The following GOLGA2 variants were observed in gnomAD, a reference collection of about 807,000 sequenced individuals.
GOLGA2 encodes golgin A2.
Under a neutral mutation model 148.8 loss-of-function variants are expected in GOLGA2, and 49 were observed. The ratio of observed to expected loss-of-function variants is 0.33; its 90% CI spans 0.26 to 0.42. GOLGA2 has a LOEUF of 0.42. Among genes scored for constraint, GOLGA2 ranks in the 10% least tolerant of loss-of-function variants. The pLI, the probability that GOLGA2 is intolerant of heterozygous loss-of-function variation, is 1.00. For synonymous variants in GOLGA2, 501 were observed against 511.8 expected, an observed-to-expected ratio of 0.98 and a Z score of 0.28; for missense variants, 1,178 against 1,304.6, an observed-to-expected ratio of 0.90 and a Z score of 1.49.
intron 4 of GOLGA2, 65 bp downstream of exon 4, chr9:128,268,355 G>T: frequency 1.8e-6 from 2 of 1,085,802 alleles, no homozygotes; most frequent in South Asian, 1.3e-5. Flanking sequence ...AGCTGCCTGT[G>T]AAAGGAGAAG....
chr9:128,264,089 C>T (rs1446896730), intron 12 of GOLGA2, among the ~76,000 whole-genome samples: 7 of 150,160 alleles, frequency 4.7e-5, no homozygotes, highest in Admixed American at 6.6e-5. Flanking sequence ...GGCATGAACC[C>T]GGGAGACAGA....
rs1830240617 is a variant in GOLGA2, at chr9:128,261,034, C to T, written c.1420+138G>A. On this transcript the variant is annotated intron_variant, in intron 17 of 26. Coordinates refer to ENST00000611957, the MANE Select transcript of GOLGA2 (RefSeq NM_001366244.2). This position sits in a 1 kb window ranked among gnomAD's most constrained non-coding sequence, Gnocchi z 5.7. ...ACTGAGGCTCATGGAGATGACGAGA[C>T]TTGCCATCTCCTGGCACAGACCTCT... The T allele has an allele frequency of 4.1e-6, 3 of 738,826 alleles. No homozygotes were observed. Among genetic ancestry groups the T allele is most frequent in the Non-Finnish European group, 7.2e-6 (3 of 414,308 alleles). 45.8% of individuals were successfully genotyped at this position (738,826 alleles called of 1,614,324 possible).
Position 128,261,482 on chromosome 9 carries a change from C to T in GOLGA2, c.1304G>A (p.Arg435Gln), listed in dbSNP as rs759598971. Residue 435 changes from arginine to glutamine, a missense_variant, in exon 16 of 27, where the codon CGG (arginine) becomes CAG (glutamine). Arg to Gln is a conservative substitution (Grantham distance 43). This residue lies in a region of GOLGA2 where 304 missense variants were observed against 404.1 expected (regional missense o/e 0.75). Transcript: ENST00000611957. This position sits in a 1 kb window ranked among gnomAD's most constrained non-coding sequence, Gnocchi z 5.7. Reference protein sequence around the residue: ...ENLKGESAMWRQRMQQMSEQV... With the variant: ...ENLKGESAMWQQRMQQMSEQV... ...CTCTGACATCTGCTGCATCCTCTGCCGCCACATGGCGCTCTCTCCTTTGAG... is the reference window on the plus strand; with the variant it reads ...CTCTGACATCTGCTGCATCCTCTGCTGCCACATGGCGCTCTCTCCTTTGAG... 3.0e-5 allele frequency: 49 copies of T among 1,608,044 alleles called. No individual in the cohort carries two copies. The highest frequency in any genetic ancestry group is 1.7e-4 in the Admixed American group (10 of 60,016).
chr9:128,272,877 G>A lies in GOLGA2; in HGVS notation c.208-12C>T, dbSNP rs1265169450. 8.2e-6 allele frequency: 10 copies of A among 1,219,216 alleles called. No homozygotes were observed. The highest frequency in any genetic ancestry group is 5.7e-5 in the East Asian group (1 of 17,582). 75.5% of individuals were successfully genotyped at this position (1,219,216 alleles called of 1,614,324 possible). ...AGAATGTCCTGAATCTACAGGAGGCGAAAAGGGAAAAACAAGGGCAGGGGG... is the reference window on the plus strand; with the variant it reads ...AGAATGTCCTGAATCTACAGGAGGCAAAAAGGGAAAAACAAGGGCAGGGGG... On this transcript the variant is annotated splice_polypyrimidine_tract_variant and intron_variant, in intron 2 of 26. Coordinates refer to ENST00000611957, the MANE Select transcript of GOLGA2 (RefSeq NM_001366244.2).
Position 128,258,251 on chromosome 9 carries a change from C to T in GOLGA2, c.2290-53G>A. 1 of 1,404,788 alleles carries T rather than the reference C, an allele frequency of 7.1e-7. No individual in the cohort carries two copies. The highest frequency in any genetic ancestry group is 9.8e-7 in the Non-Finnish European group (1 of 1,022,606). 87.0% of individuals were successfully genotyped at this position (1,404,788 alleles called of 1,614,324 possible). On this transcript the variant is annotated intron_variant, in intron 22 of 26. Coordinates refer to ENST00000611957, the MANE Select transcript of GOLGA2 (RefSeq NM_001366244.2). The surrounding 1 kb of genome is among the most constrained non-coding windows in gnomAD (Gnocchi z 6.6). ...AGGAGGATATATAGGATGAACAGGG[C>T]AGGGAGGTAGAGAGCAGCCCTTCCC...
At chr9:128,273,059 AAT>A (rs1338706134) in intron 2 of GOLGA2, among the ~76,000 whole-genome samples, 194 bp from the exon 3 acceptor site, 1 of 152,206 alleles carries the variant, frequency 6.6e-6, no homozygotes, top group African/African-American at 2.4e-5. Flanking sequence ...GGCAGAAACA[AAT>A]AGATGGAAAA....
At position 128,260,343 on chromosome 9, in the gene GOLGA2, C is replaced by A; in HGVS notation, c.1758+122G>T. The A allele has an allele frequency of 9.3e-7, 1 of 1,079,564 alleles. No individual in the cohort carries two copies. The highest frequency in any genetic ancestry group is 1.3e-5 in the South Asian group (1 of 77,594). The allele number at this position is 1,079,564 out of a possible 1,614,324, so 66.9% of individuals were successfully genotyped here. ...CACAGCCATCGGAGCAGGGCTCTGG[C>A]TCACAGATGCCTCCAGAAGTACCAT... On this transcript the variant is annotated intron_variant, in intron 18 of 26. Transcript: ENST00000611957. This position sits in a 1 kb window ranked among gnomAD's most constrained non-coding sequence, Gnocchi z 4.8.
At position 128,256,969 on chromosome 9, in the gene GOLGA2, G is replaced by T; in HGVS notation, c.*98C>A. The stretch of plus-strand genomic sequence containing the variant: ...TAGACAGGGGTCTATGCTTGCTACT[G>T]TAAGGGTAAAGGGTTGACTGAGAAG... On this transcript the variant is annotated 3_prime_UTR_variant, in exon 27 of 27. Coordinates refer to ENST00000611957, the MANE Select transcript of GOLGA2 (RefSeq NM_001366244.2). The T allele has an allele frequency of 2.2e-6, 2 of 903,972 alleles. No homozygotes were observed. Among genetic ancestry groups the T allele is most frequent in the Non-Finnish European group, 3.5e-6 (2 of 567,618 alleles). 56.0% of individuals were successfully genotyped at this position (903,972 alleles called of 1,614,324 possible). A position where few individuals can be genotyped will look rare whatever the true frequency, so the allele number is the denominator to read the frequency against.
At position 128,261,422 on chromosome 9, in the gene GOLGA2, G is replaced by T; in HGVS notation, c.1332+32C>A. 1.5e-6 allele frequency: 2 copies of T among 1,329,062 alleles called. No homozygotes were observed. Among genetic ancestry groups the T allele is most frequent in the Non-Finnish European group, 2.2e-6 (2 of 919,650 alleles). 82.3% of individuals were successfully genotyped at this position (1,329,062 alleles called of 1,614,324 possible). ...CAGAAAGATCAAGTGACCTATCTAAGGTTGAGGGGGAGCTGAAGGGTCAGG... is the reference window on the plus strand; with the variant it reads ...CAGAAAGATCAAGTGACCTATCTAATGTTGAGGGGGAGCTGAAGGGTCAGG... On this transcript the variant is annotated intron_variant, in intron 16 of 26. Coordinates refer to ENST00000611957, the MANE Select transcript of GOLGA2 (RefSeq NM_001366244.2). This position sits in a 1 kb window ranked among gnomAD's most constrained non-coding sequence, Gnocchi z 5.7.
At position 128,257,304 on chromosome 9, in the gene GOLGA2, C is replaced by T. The variant is rs771893646; in HGVS notation, c.2876-23G>A. 1.2e-6 allele frequency: 2 copies of T among 1,612,362 alleles called. No individual in the cohort carries two copies. Among genetic ancestry groups the T allele is most frequent in the African/African-American group, 1.3e-5 (1 of 75,024 alleles). ...GATCTTTGGAGAGAGAGAGGCAGGG[C>T]TCTGAGTGCCACGCGAGCCCTCCCT... On this transcript the variant is annotated intron_variant, in intron 26 of 26. Coordinates refer to ENST00000611957, the MANE Select transcript of GOLGA2 (RefSeq NM_001366244.2). The surrounding 1 kb of genome is among the most constrained non-coding windows in gnomAD (Gnocchi z 8.0).
At position 128,272,882 on chromosome 9, in the gene GOLGA2, G is replaced by A; in HGVS notation, c.208-17C>T. ...GTCCTGAATCTACAGGAGGCGAAAA[G>A]GGAAAAACAAGGGCAGGGGGAGAAA... is the stretch of plus-strand genomic sequence containing the variant. On this transcript the variant is annotated splice_polypyrimidine_tract_variant and intron_variant, in intron 2 of 26. Coordinates refer to ENST00000611957, the MANE Select transcript of GOLGA2 (RefSeq NM_001366244.2). The A allele has an allele frequency of 2.5e-6, 3 of 1,199,922 alleles. No individual in the cohort carries two copies. The highest frequency in any genetic ancestry group is 1.3e-5 in the South Asian group (1 of 78,666). The allele number at this position is 1,199,922 out of a possible 1,614,324, so 74.3% of individuals were successfully genotyped here.
chr9:128,274,592 C>T (rs945067624), intron 1 of GOLGA2, among the ~76,000 whole-genome samples: 1 of 152,218 alleles, frequency 6.6e-6, no homozygotes, highest in Non-Finnish European at 1.5e-5. Flanking sequence ...CATACATCCT[C>T]ACACGTTTGG....
chr9:128,261,748 G>C lies in GOLGA2; in HGVS notation c.1144C>G (p.Arg382Gly), dbSNP rs148100000. 1.9e-6 allele frequency: 3 copies of C among 1,610,594 alleles called. No individual in the cohort carries two copies. The East Asian group carries it at 6.7e-5, about 36-fold the overall frequency. The change falls in exon 15 of 27, where the codon CGG (arginine) becomes GGG (glycine). Residue 382 changes from arginine (R) to glycine (G), a missense_variant. By Grantham distance (125) the Arg-to-Gly change is moderately radical (BLOSUM62 -2). Coordinates refer to ENST00000611957, the MANE Select transcript of GOLGA2 (RefSeq NM_001366244.2). This position sits in a 1 kb window ranked among gnomAD's most constrained non-coding sequence, Gnocchi z 5.7. Reference protein sequence around the residue: ...TELLLQQFSSRCEAPDANQQL... With the variant: ...TELLLQQFSSGCEAPDANQQL... The stretch of plus-strand genomic sequence containing the variant: ...TGGTTAGCATCAGGGGCTTCACACC[G>C]GCTTGAAAACTGGATGGTGAAGAGC...
rs3829904 is a variant in GOLGA2, at chr9:128,268,416, G to A, written c.393+4C>T. 4.5e-3 allele frequency: 6,927 copies of A among 1,549,460 alleles called. 322 individuals are homozygous for A. The East Asian group carries it at 0.11, about 25-fold the overall frequency. On this transcript the variant is annotated splice_donor_region_variant and intron_variant, in intron 4 of 26. Coordinates refer to ENST00000611957, the MANE Select transcript of GOLGA2 (RefSeq NM_001366244.2). Reference sequence around the variant, plus strand: ...CAGTGGGCAGAGGGGGAGGAGGCACGAACCTGAGATGCCGCCATGCTAGTG... The same window carrying A: ...CAGTGGGCAGAGGGGGAGGAGGCACAAACCTGAGATGCCGCCATGCTAGTG...
chr9:128,258,271 C>T lies in GOLGA2; in HGVS notation c.2290-73G>A. The T allele has an allele frequency of 7.8e-7, 1 of 1,288,282 alleles. No individual in the cohort carries two copies. Among genetic ancestry groups the T allele is most frequent in the Non-Finnish European group, 1.1e-6 (1 of 919,846 alleles). The allele number at this position is 1,288,282 out of a possible 1,614,324, so 79.8% of individuals were successfully genotyped here. On this transcript the variant is annotated intron_variant, in intron 22 of 26. Coordinates refer to ENST00000611957, the MANE Select transcript of GOLGA2 (RefSeq NM_001366244.2). The surrounding 1 kb of genome is among the most constrained non-coding windows in gnomAD (Gnocchi z 6.6). ...CAGGGCAGGGAGGTAGAGAGCAGCC[C>T]TTCCCTTGGGGCCTCAGAGGGTGCA...
rs762536170 is a variant in GOLGA2, at chr9:128,260,761, C to T, written c.1462G>A (p.Val488Met). The T allele has an allele frequency of 1.4e-5, 23 of 1,612,120 alleles. No individual in the cohort carries two copies. Among genetic ancestry groups the T allele is most frequent in the Admixed American group, 3.3e-5 (2 of 59,956 alleles). ...PPEPPAGPSE[V>M]EQQLQAEAEH... ...GCCTCCGCTTGTAGCTGCTGCTCCACCTCGGAGGGCCCTGCTGGGGGCTCT... is the reference window on the plus strand; with the variant it reads ...GCCTCCGCTTGTAGCTGCTGCTCCATCTCGGAGGGCCCTGCTGGGGGCTCT... Residue 488 changes from valine (V) to methionine (M), a missense_variant, in exon 18 of 27, where the codon GTG becomes ATG. By Grantham distance (21) the Val-to-Met change is conservative. This residue lies in a region of GOLGA2 where 529 missense variants were observed against 521.8 expected (regional missense o/e 1.01). Transcript: ENST00000611957. The surrounding 1 kb of genome is among the most constrained non-coding windows in gnomAD (Gnocchi z 4.8).
intron 3 of GOLGA2, among the ~76,000 whole-genome samples, chr9:128,272,173 C>T (rs1437182798): frequency 6.7e-6 from 1 of 150,266 alleles, no homozygotes; most frequent in Non-Finnish European, 1.5e-5. Flanking sequence ...CCACACTGGG[C>T]ATTCAAAAGC....
Position 128,266,327 on chromosome 9 carries a change from T to C in GOLGA2, c.643-2A>G. 6.2e-7 allele frequency: 1 copy of C among 1,612,936 alleles called. No homozygotes were observed. The highest frequency in any genetic ancestry group is 8.5e-7 in the Non-Finnish European group (1 of 1,179,198). ...CGTAATTTCTTGGTTCTGTTGTTTC[T>C]GTGGGGAAGAGTCAAAGGAAGGTGA... is the stretch of plus-strand genomic sequence containing the variant. On this transcript the variant is annotated splice_acceptor_variant, in intron 8 of 26. Coordinates refer to ENST00000611957, the MANE Select transcript of GOLGA2 (RefSeq NM_001366244.2). LOFTEE classifies it high-confidence loss of function. The surrounding 1 kb of genome is among the most constrained non-coding windows in gnomAD (Gnocchi z 4.2).
In GOLGA2 at chr9:128,266,920, T is replaced by A; in HGVS notation, c.642+274A>T. 1 of 553,198 alleles carries A rather than the reference T, an allele frequency of 1.8e-6. No homozygotes were observed. The highest frequency in any genetic ancestry group is 3.2e-5 in the East Asian group (1 of 31,632). The allele number at this position is 553,198 out of a possible 1,614,324, so 34.3% of individuals were successfully genotyped here. On this transcript the variant is annotated intron_variant, in intron 8 of 26. Coordinates refer to ENST00000611957, the MANE Select transcript of GOLGA2 (RefSeq NM_001366244.2). The surrounding 1 kb of genome is among the most constrained non-coding windows in gnomAD (Gnocchi z 4.2). ...CAGGGCTCCTGACAACCAGTCAGGC[T>A]AGCGCTTCCCCAAGAGGCAACAACC...
Sources: gnomAD v4.1 joint callset for allele counts (sites outside exome capture counted in the v4.1 genomes callset) on GRCh38, gnomAD v4.1.1 for gene constraint, gnomAD v4.1.1 regional missense constraint, Gnocchi (gnomAD v3.1) non-coding constraint, MANE v1.5 for transcripts, NCBI Gene and HGNC (gene_info 2026-07-23, HGNC 2026-07-21) for gene names.